The following CCDC102A variants were observed in gnomAD, a reference collection of about 807,000 sequenced individuals.
CCDC102A encodes the protein coiled-coil domain-containing protein 102A.
Under a neutral mutation model 55.5 loss-of-function variants are expected in CCDC102A, and 40 were observed. The ratio of observed to expected loss-of-function variants is 0.72; its 90% CI spans 0.56 to 0.94. CCDC102A has a LOEUF of 0.94. Ranked by LOEUF, CCDC102A falls within the 40% of genes least tolerant of loss-of-function variation. The pLI is 0.00. For missense variants in CCDC102A, 779 were observed against 768.6 expected (o/e 1.01, Z -0.16); for synonymous variants, 323 against 339.0 (o/e 0.95, Z 0.52).
At chr16:57,519,425 CGTT>C (rs1484528997) in intron 4 of CCDC102A, among the ~76,000 whole-genome samples, 1 of 152,366 alleles carries the variant, frequency 6.6e-6, no homozygotes, top group African/African-American at 2.4e-5. Context: ...ACCTTTGTGT[CGTT>C]GTATGGCCTG....
chr16:57,524,256 TG>T (rs1466731588), intron 3 of CCDC102A, among the ~76,000 whole-genome samples: 1 of 151,922 alleles, frequency 6.6e-6, no homozygotes, highest in Non-Finnish European at 1.5e-5. Context: ...TGGCCAGTGC[TG>T]GGGCCGCCAC....
chr16:57,530,928 C>T (rs894514091), intron 1 of CCDC102A, among the ~76,000 whole-genome samples: 1 of 152,022 alleles, frequency 6.6e-6, no homozygotes, highest in East Asian at 2.0e-4. Flanking sequence ...CTGGACCCAC[C>T]GTGGCACCTG....
At chr16:57,518,968 TTC>T (rs1297944889) in intron 4 of CCDC102A, among the ~76,000 whole-genome samples, 9 of 152,200 alleles carry the variant, frequency 5.9e-5, no homozygotes, top group African/African-American at 2.2e-4. Flanking sequence ...CTCCTGGCCC[TTC>T]TCTGTCAACC....
In CCDC102A at chr16:57,529,227, C is replaced by T; in HGVS notation, c.-50G>A. On this transcript the variant is annotated 5_prime_UTR_variant, in exon 2 of 9. Coordinates refer to ENST00000258214, the MANE Select transcript of CCDC102A (RefSeq NM_033212.4). The surrounding 1 kb of genome is among the most constrained non-coding windows in gnomAD (Gnocchi z 4.1). Reference sequence around the variant, plus strand: ...TCGAACTCGCGGTCGGGCTCAGGGGCGGCTCCGGGGACGCGCGGCGGGCGC... The same window carrying T: ...TCGAACTCGCGGTCGGGCTCAGGGGTGGCTCCGGGGACGCGCGGCGGGCGC... 8.7e-7 allele frequency: 1 copy of T among 1,146,306 alleles called. No individual in the cohort carries two copies. Among genetic ancestry groups the T allele is most frequent in the Non-Finnish European group, 1.1e-6 (1 of 931,840 alleles). The allele number at this position is 1,146,306 out of a possible 1,614,324, so 71.0% of individuals were successfully genotyped here.
intron 1 of CCDC102A, among the ~76,000 whole-genome samples, chr16:57,534,977 G>C (rs1312999086): frequency 1.3e-5 from 2 of 152,232 alleles, no homozygotes; most frequent in African/African-American, 4.8e-5. Context: ...ACAGGGGCCA[G>C]CTGAAGGGAT....
At chr16:57,532,371 T>TA (rs1341626877) in intron 1 of CCDC102A, among the ~76,000 whole-genome samples, 10 of 152,186 alleles carry the variant, frequency 6.6e-5, no homozygotes, top group Admixed American at 3.9e-4. Flanking sequence ...TGGTTCCATG[T>TA]ACACCACTGA....
In CCDC102A at chr16:57,516,718, G is replaced by A. The variant is rs988978915; in HGVS notation, c.1249-255C>T. 3.6e-6 allele frequency: 2 copies of A among 556,460 alleles called. No individual in the cohort carries two copies. The highest frequency in any genetic ancestry group is 3.8e-5 in the African/African-American group (2 of 53,016). The allele number at this position is 556,460 out of a possible 1,614,324, so 34.5% of individuals were successfully genotyped here. A position where few individuals can be genotyped will look rare whatever the true frequency, so the allele number is the denominator to read the frequency against. The stretch of plus-strand genomic sequence containing the variant: ...CTCCGGTTTGGATGTGTAACTTTCA[G>A]ATGCTACTGGATCTACCCTGGAGCT... On this transcript the variant is annotated intron_variant, in intron 6 of 8. Transcript: ENST00000258214. The surrounding 1 kb of genome is among the most constrained non-coding windows in gnomAD (Gnocchi z 4.4).
chr16:57,531,848 T>G (rs1300106145), intron 1 of CCDC102A, among the ~76,000 whole-genome samples: 1 of 152,218 alleles, frequency 6.6e-6, no homozygotes, highest in Non-Finnish European at 1.5e-5. Flanking sequence ...CTCCACTGCT[T>G]TGCCCACTCT....
intron 3 of CCDC102A, among the ~76,000 whole-genome samples, chr16:57,524,575 T>TACA (rs2032102596): frequency 6.8e-6 from 1 of 148,132 alleles, no homozygotes; most frequent in South Asian, 2.2e-4. Flanking sequence ...AGGCTCTGTC[T>TACA]AAAAAAAATA....
intron 2 of CCDC102A, among the ~76,000 whole-genome samples, chr16:57,527,318 T>C (rs1183603148): frequency 6.6e-6 from 1 of 152,126 alleles, no homozygotes; most frequent in East Asian, 1.9e-4. Flanking sequence ...CACCCACTGT[T>C]AATGCAGCAG....
intron 7 of CCDC102A, among the ~76,000 whole-genome samples, chr16:57,515,810 C>T (rs1359297501): frequency 6.6e-6 from 1 of 151,172 alleles, no homozygotes. Context: ...AATCAGCAGC[C>T]CATCTAGCAT....
chr16:57,528,980 G>C lies in CCDC102A; in HGVS notation c.198C>G (p.Asp66Glu). The stretch of plus-strand genomic sequence containing the variant: ...GCTCCTCGCGGCTCTCCCAGTCGCC[G>C]TCGGCCAGCAGCGCGGGCGCGGGGG... ...PLPPAPALLADGDWESREELR... is the reference protein window; with the variant it reads ...PLPPAPALLAEGDWESREELR... Residue 66 changes from aspartate (D) to glutamate (E), a missense_variant, in exon 2 of 9, where the codon GAC becomes GAG. Asp to Glu is a conservative substitution (Grantham distance 45). Coordinates refer to ENST00000258214, the MANE Select transcript of CCDC102A (RefSeq NM_033212.4). 8.0e-7 allele frequency: 1 copy of C among 1,249,568 alleles called. No individual in the cohort carries two copies. The highest frequency in any genetic ancestry group is 1.0e-6 in the Non-Finnish European group (1 of 987,496). The allele number at this position is 1,249,568 out of a possible 1,614,324, so 77.4% of individuals were successfully genotyped here. A position where few individuals can be genotyped will look rare whatever the true frequency, so the allele number is the denominator to read the frequency against.
In CCDC102A at chr16:57,516,336, C is replaced by A. The variant is rs753440545; in HGVS notation, c.1376G>T (p.Arg459Leu). The change falls in exon 7 of 9, where the codon CGG becomes CTG. Residue 459 changes from arginine (R) to leucine (L), a missense_variant. Physicochemically the swap from Arg to Leu is moderately radical, Grantham distance 102. Coordinates refer to ENST00000258214, the MANE Select transcript of CCDC102A (RefSeq NM_033212.4). This position sits in a 1 kb window ranked among gnomAD's most constrained non-coding sequence, Gnocchi z 4.4. ...CAGCTCCTTCTTGAGCTCCTCCACC[C>A]GCAGCCGCAGCTTCTTCACCTCAGC... Reference protein sequence around the residue: ...HEAEVKKLRLRVEELKKELAQ... With the variant: ...HEAEVKKLRLLVEELKKELAQ... 1 of 1,607,820 alleles carries A rather than the reference C, an allele frequency of 6.2e-7. No individual in the cohort carries two copies. The highest frequency in any genetic ancestry group is 8.5e-7 in the Non-Finnish European group (1 of 1,180,008).
chr16:57,518,673 G>T lies in CCDC102A; in HGVS notation c.990C>A (p.Leu330=). ...TCCGGTCCATGCTGGAGCGTGCACCGAGCTCATCTTCCAGGTCCTCAGACA... is the reference window on the plus strand; with the variant it reads ...TCCGGTCCATGCTGGAGCGTGCACCTAGCTCATCTTCCAGGTCCTCAGACA... ...GRMSEDLEDE[L]GARSSMDRKM... is the part of the protein sequence containing the mutation. The change falls in exon 5 of 9, where the codon CTC becomes CTA. Residue 330 remains leucine, a synonymous_variant. Transcript: ENST00000258214. 6.2e-7 allele frequency: 1 copy of T among 1,613,744 alleles called. No homozygotes were observed. The highest frequency in any genetic ancestry group is 1.1e-5 in the South Asian group (1 of 91,010).
chr16:57,518,199 G>A lies in CCDC102A; in HGVS notation c.1117C>T (p.Arg373Trp), dbSNP rs753692091. 15 of 1,612,508 alleles carry A rather than the reference G, an allele frequency of 9.3e-6. No individual in the cohort carries two copies. Among genetic ancestry groups the A allele is most frequent in the Middle Eastern group, 1.6e-4 (1 of 6,062 alleles). ...RLETEKLGLERENKKLRAQVG... is the reference protein window; with the variant it reads ...RLETEKLGLEWENKKLRAQVG... ...TGTGCCCGCAGCTTCTTGTTCTCCC[G>A]CTCAAGGCCCAGTTTCTCTGTCTCC... Residue 373 changes from arginine to tryptophan, a missense_variant, in exon 6 of 9, where the codon CGG becomes TGG. Physicochemically the swap from Arg to Trp is moderately radical, Grantham distance 101. Coordinates refer to ENST00000258214, the MANE Select transcript of CCDC102A (RefSeq NM_033212.4).
rs3803596 is a variant in CCDC102A at position 57,521,471 on chromosome 16, C to G, written c.813-295G>C. Among the ~76,000 whole-genome samples, 210 of 152,330 alleles carry G rather than the reference C, an allele frequency of 1.4e-3. 1 individual carries two copies. Among genetic ancestry groups the G allele is most frequent in the Admixed American group, 9.2e-3 (141 of 15,302 alleles). On this transcript the variant is annotated intron_variant, in intron 3 of 8. Transcript: ENST00000258214. ...TACCTCTCTCCTGCTGCACCTCAGG[C>G]TCATCTGAAAATGGCTCCAGGAGGT...
chr16:57,516,457 C>T lies in CCDC102A; in HGVS notation c.1255G>A (p.Ala419Thr). The change falls in exon 7 of 9, where the codon GCA (alanine) becomes ACA (threonine). Residue 419 changes from alanine to threonine, a missense_variant. Coordinates refer to ENST00000258214, the MANE Select transcript of CCDC102A (RefSeq NM_033212.4). This position sits in a 1 kb window ranked among gnomAD's most constrained non-coding sequence, Gnocchi z 4.4. The stretch of plus-strand genomic sequence containing the variant: ...TTGCCATGCACATGCTTCAGGTCTG[C>T]CAGCTCCTACAGGGCACAGGGATGG... ...AALFEKNKELADLKHVHGKLK... is the reference protein window; with the variant it reads ...AALFEKNKELTDLKHVHGKLK... 6.2e-7 allele frequency: 1 copy of T among 1,606,804 alleles called. No homozygotes were observed.
Position 57,512,699 on chromosome 16 carries a change from G to A in CCDC102A, c.*42C>T, listed in dbSNP as rs777271409. 2 of 1,588,766 alleles carry A rather than the reference G, an allele frequency of 1.3e-6. No homozygotes were observed. The highest frequency in any genetic ancestry group is 3.5e-5 in the Admixed American group (2 of 57,912). ...GAGTGGCTGGTTAGCCTGGACCCTG[G>A]GCAGGTATGGGGCGGCCCATCCTGC... On this transcript the variant is annotated 3_prime_UTR_variant, in exon 9 of 9. Transcript: ENST00000258214.
intron 6 of CCDC102A, 23 bp downstream of exon 6, chr16:57,518,045 G>A (rs2031985439): frequency 2.5e-6 from 4 of 1,577,656 alleles, no homozygotes; most frequent in Non-Finnish European, 1.7e-6. Context: ...CCCCAGCACT[G>A]GCCACTCCAC....
Sources: gnomAD v4.1 joint callset for allele counts (sites outside exome capture counted in the v4.1 genomes callset) on GRCh38, gnomAD v4.1.1 for gene constraint, Gnocchi (gnomAD v3.1) non-coding constraint, MANE v1.5 for transcripts, NCBI Gene and HGNC (gene_info 2026-07-23, HGNC 2026-07-21) for gene names.